The following ERC2 variants were observed in gnomAD, a reference collection of about 807,000 sequenced individuals.
ERC2 encodes the protein ERC protein 2.
Under a neutral mutation model 114.8 loss-of-function variants are expected in ERC2, and 42 were observed. The observed-to-expected ratio is 0.37, with a 90% CI of 0.29 to 0.47. The LOEUF (loss-of-function observed/expected upper bound fraction) is 0.47, where lower values mean the gene tolerates loss of function less well. Ranked by LOEUF, ERC2 falls within the 20% of genes least tolerant of loss-of-function variation. The pLI is 0.99. For missense variants in ERC2, 939 were observed against 1,150.7 expected (o/e 0.82, Z 2.66); for synonymous variants, 454 against 425.5 (o/e 1.07, Z -0.82).
intron 2 of ERC2, among the ~76,000 whole-genome samples, chr3:56,381,582 G>C (rs1024348032): frequency 6.6e-6 from 1 of 151,958 alleles, no homozygotes; most frequent in Non-Finnish European, 1.5e-5. Flanking sequence ...GCAGAGAATA[G>C]ATTCAATAGC....
chr3:55,970,980 A>G (rs2069113096), intron 12 of ERC2, among the ~76,000 whole-genome samples: 1 of 152,212 alleles, frequency 6.6e-6, no homozygotes, highest in Non-Finnish European at 1.5e-5. Context: ...AATGTGGTAT[A>G]CCCACACAAT....
At chr3:55,907,448 G>A (rs1427121098) in intron 13 of ERC2, among the ~76,000 whole-genome samples, 1 of 152,172 alleles carries the variant, frequency 6.6e-6, no homozygotes, top group East Asian at 1.9e-4. Context: ...CATCAGGTAC[G>A]TACTCAGTGC....
intron 2 of ERC2, among the ~76,000 whole-genome samples, chr3:56,340,978 T>TG (rs1254783678): frequency 2.0e-5 from 3 of 152,166 alleles, no homozygotes; most frequent in Admixed American, 1.3e-4. Flanking sequence ...TCCACTTCTT[T>TG]GGGGGGGAAA....
At chr3:55,844,850 G>C (rs1339534676) in intron 14 of ERC2, among the ~76,000 whole-genome samples, 1 of 152,168 alleles carries the variant, frequency 6.6e-6, no homozygotes, top group African/African-American at 2.4e-5. Flanking sequence ...CTACATCAGA[G>C]GATAAAAAGA....
chr3:56,171,843 C>CT (rs34797642), intron 4 of ERC2, among the ~76,000 whole-genome samples: 57,688 of 139,084 alleles, frequency 0.41, 11,859 homozygotes, highest in East Asian at 0.55. Flanking sequence ...GAAACTCGCT[C>CT]TTTTTTTTTT....
chr3:56,166,194 G>A (rs957810779), intron 4 of ERC2, among the ~76,000 whole-genome samples: 1 of 151,920 alleles, frequency 6.6e-6, no homozygotes, highest in Non-Finnish European at 1.5e-5. Flanking sequence ...TAACATGATT[G>A]ATAGCCAAAT....
chr3:56,026,490 A>C (rs1035237517), intron 7 of ERC2, among the ~76,000 whole-genome samples: 8 of 152,340 alleles, frequency 5.3e-5, no homozygotes, highest in African/African-American at 1.7e-4. Context: ...AAGCAGCCTC[A>C]CAACTTTCAG....
intron 4 of ERC2, among the ~76,000 whole-genome samples, chr3:56,164,595 T>C (rs2082228512): frequency 6.6e-6 from 1 of 152,100 alleles, no homozygotes; most frequent in Non-Finnish European, 1.5e-5. Context: ...TTTGCAATTC[T>C]GTTGGGTGTG....
intron 10 of ERC2, among the ~76,000 whole-genome samples, chr3:55,999,604 G>A (rs2071872190): frequency 6.6e-6 from 1 of 151,404 alleles, no homozygotes; most frequent in Admixed American, 6.6e-5. Flanking sequence ...TAACTGATTA[G>A]AAAATAAAAT....
intron 7 of ERC2, among the ~76,000 whole-genome samples, chr3:56,072,803 G>T (rs1284684374): frequency 6.6e-6 from 1 of 152,124 alleles, no homozygotes; most frequent in Non-Finnish European, 1.5e-5. Context: ...TTTAAACTGA[G>T]TGTTATCTGC....
chr3:56,341,115 A>T (rs1297885489), intron 2 of ERC2, among the ~76,000 whole-genome samples: 1 of 152,194 alleles, frequency 6.6e-6, no homozygotes, highest in Non-Finnish European at 1.5e-5. Flanking sequence ...ACTGTTATTT[A>T]AAAATTAAAA....
intron 2 of ERC2, chr3:56,433,745 A>T (rs536211329): frequency 1.2e-3 from 181 of 154,816 alleles, no homozygotes; most frequent in Admixed American, 1.8e-3. Flanking sequence ...TGACTTACAT[A>T]TAGTAGATAG....
intron 17 of ERC2, among the ~76,000 whole-genome samples, chr3:55,587,553 C>G (rs781384250): frequency 8.5e-5 from 13 of 152,146 alleles, no homozygotes; most frequent in Non-Finnish European, 1.6e-4. Context: ...CTTCTTGTGC[C>G]TCACCCAAGC....
intron 7 of ERC2, among the ~76,000 whole-genome samples, chr3:56,041,015 A>T (rs183223672): frequency 1.3e-5 from 2 of 151,930 alleles, no homozygotes; most frequent in Non-Finnish European, 1.5e-5. Flanking sequence ...AATCAATTTT[A>T]TGATAATTGC....
chr3:55,766,346 T>A (rs1052900107), intron 14 of ERC2, among the ~76,000 whole-genome samples: 1 of 151,700 alleles, frequency 6.6e-6, no homozygotes, highest in Non-Finnish European at 1.5e-5. Context: ...TTGTAGGTGA[T>A]TTATTATTTT....
chr3:55,546,778 C>T (rs778520393), intron 17 of ERC2, among the ~76,000 whole-genome samples: 6 of 152,178 alleles, frequency 3.9e-5, no homozygotes, highest in Admixed American at 2.6e-4. Flanking sequence ...CAGGCCTCTC[C>T]GGTACCAGAG....
At chr3:55,516,719 C>T (rs2052538600) in intron 17 of ERC2, among the ~76,000 whole-genome samples, 1 of 152,176 alleles carries the variant, frequency 6.6e-6, no homozygotes, top group Non-Finnish European at 1.5e-5. Flanking sequence ...TGAATATAGG[C>T]TGTGTACATC....
chr3:55,576,142 T>C (rs890841892), intron 17 of ERC2, among the ~76,000 whole-genome samples: 6 of 151,848 alleles, frequency 4.0e-5, no homozygotes. Context: ...AAACCCTATC[T>C]CCACTAAAAA....
At chr3:56,419,435 C>G (rs1015055752) in intron 2 of ERC2, among the ~76,000 whole-genome samples, 8 of 152,188 alleles carry the variant, frequency 5.3e-5, no homozygotes, top group African/African-American at 1.9e-4. Flanking sequence ...CAAACTCTTT[C>G]AAGGTAACTT....
Sources: allele counts gnomAD v4.1 joint callset (sites outside exome capture counted in the v4.1 genomes callset), GRCh38; gene constraint gnomAD v4.1.1; transcripts MANE v1.5; gene names NCBI Gene and HGNC (gene_info 2026-07-23, HGNC 2026-07-21).